Variants in MAP3K8 observed in about 807,000 individuals in gnomAD.
MAP3K8 encodes the protein mitogen-activated protein kinase kinase kinase 8, also known as Ewing sarcoma transformant.
MAP3K8 carries 22 observed loss-of-function variants against 45.8 expected under a neutral mutation model. The observed-to-expected ratio is 0.48, with a 90% CI of 0.34 to 0.69. The LOEUF is 0.69. Among genes scored for constraint, MAP3K8 ranks in the 30% least tolerant of loss-of-function variants. MAP3K8 has a pLI of 0.01. For missense variants in MAP3K8, 419 were observed against 585.0 expected, an observed-to-expected ratio of 0.72 and a Z score of 2.93; for synonymous variants, 223 against 214.3, an observed-to-expected ratio of 1.04 and a Z score of -0.36.
At chr10:30,458,968 A>G (rs1019601493) in intron 7 of MAP3K8, among the ~76,000 whole-genome samples, 1 of 152,128 alleles carries the variant, frequency 6.6e-6, no homozygotes, top group Non-Finnish European at 1.5e-5. Flanking sequence ...TCCCAGTTGC[A>G]TGGGAGGCTG....
chr10:30,439,022 C>T lies in MAP3K8; in HGVS notation c.84C>T (p.Asp28=). Residue 28 remains aspartate (D), a synonymous_variant, in exon 3 of 9, where the codon GAC becomes GAT. Transcript: ENST00000263056. ...IKHLNVSDVI[D]IMENLYASEE... ...ATTTAAATGTGTCTGATGTAATAGA[C>T]ATTATGGAAAATCTTTATGCAAGTG... 1 of 1,612,774 alleles carries T rather than the reference C, an allele frequency of 6.2e-7. No homozygotes were observed. The highest frequency in any genetic ancestry group is 1.1e-5 in the South Asian group (1 of 91,046).
Position 30,450,452 on chromosome 10 carries a change from G to A in MAP3K8, c.699G>A (p.Val233=). 2 of 1,614,118 alleles carry A rather than the reference G, an allele frequency of 1.2e-6. No homozygotes were observed. Among genetic ancestry groups the A allele is most frequent in the Non-Finnish European group, 1.7e-6 (2 of 1,179,962 alleles). Residue 233 remains valine, a synonymous_variant, in exon 5 of 9, where the codon GTG becomes GTA. Transcript: ENST00000263056. The part of the protein sequence containing the change: ...GPMREFEIIW[V]TKHVLKGLDF... ...TGAGAGAATTTGAAATTATTTGGGT[G>A]ACAAAGCATGTTCTCAAGGGACTTG...
intron 4 of MAP3K8, 29 bp downstream of exon 4, chr10:30,447,978 A>G: frequency 1.3e-6 from 2 of 1,570,030 alleles, no homozygotes; most frequent in Non-Finnish European, 1.7e-6. Context: ...GATAACCCAC[A>G]CTGTGTGTTT....
chr10:30,440,942 A>G (rs8177053), intron 3 of MAP3K8, among the ~76,000 whole-genome samples: 4,730 of 152,294 alleles, frequency 0.031, 114 homozygotes, highest in South Asian at 0.062. Context: ...CTGGGAATGT[A>G]CAGAAAGAAA....
Position 30,439,639 on chromosome 10 carries a change from G to A in MAP3K8, c.336+365G>A, listed in dbSNP as rs377708514. 3.9e-5 allele frequency among the ~76,000 whole-genome samples: 6 copies of A among 152,234 alleles called. No homozygotes were observed. The East Asian group carries it at 7.7e-4, about 20-fold the overall frequency. ...AGTCTGGCCAACATGGTGAAACCCC[G>A]TCTCTACTAAAAATACAAAATTAGC... On this transcript the variant is annotated intron_variant, in intron 3 of 8. Transcript: ENST00000263056.
intron 6 of MAP3K8, among the ~76,000 whole-genome samples, chr10:30,455,900 A>G (rs1330989688): frequency 6.6e-6 from 1 of 152,214 alleles, no homozygotes. Context: ...TCTAACTGGT[A>G]GTTGGTAGAG....
chr10:30,451,618 A>T lies in MAP3K8; in HGVS notation c.767-20A>T. The stretch of plus-strand genomic sequence containing the variant: ...GGTATATAAAAAATTTTATCTTAAA[A>T]ATATTTCCTCTCATTTTAGCTAGCA... On this transcript the variant is annotated intron_variant, in intron 5 of 8. Coordinates refer to ENST00000263056, the MANE Select transcript of MAP3K8 (RefSeq NM_005204.4). 1 of 1,437,804 alleles carries T rather than the reference A, an allele frequency of 7.0e-7. No individual in the cohort carries two copies. The highest frequency in any genetic ancestry group is 9.6e-7 in the Non-Finnish European group (1 of 1,040,666). The allele number at this position is 1,437,804 out of a possible 1,614,324, so 89.1% of individuals were successfully genotyped here.
intron 3 of MAP3K8, among the ~76,000 whole-genome samples, chr10:30,445,262 T>A (rs1469014981): frequency 6.6e-6 from 1 of 152,014 alleles, no homozygotes; most frequent in Non-Finnish European, 1.5e-5. Context: ...CTGGGTGTGG[T>A]AGCACGTGCC....
chr10:30,461,366 C>T lies in MAP3K8; in HGVS notation c.*530C>T. Reference sequence around the variant, plus strand: ...TGTAGCAATAAGCTGGACTAGTGTCCTAAAAATGGCTAACTGATGAATTAG... The same window carrying T: ...TGTAGCAATAAGCTGGACTAGTGTCTTAAAAATGGCTAACTGATGAATTAG... On this transcript the variant is annotated 3_prime_UTR_variant, in exon 9 of 9. Coordinates refer to ENST00000263056, the MANE Select transcript of MAP3K8 (RefSeq NM_005204.4). 4.8e-6 allele frequency: 1 copy of T among 207,470 alleles called. No homozygotes were observed. Among genetic ancestry groups the T allele is most frequent in the Non-Finnish European group, 9.9e-6 (1 of 101,416 alleles). The allele number at this position is 207,470 out of a possible 1,614,324, so 12.9% of individuals were successfully genotyped here. A position where few individuals can be genotyped will look rare whatever the true frequency, so the allele number is the denominator to read the frequency against.
In MAP3K8 at chr10:30,438,998, T is replaced by C; in HGVS notation, c.60T>C (p.His20=). ...NKEEIDLLIK[H]LNVSDVIDIM... is the part of the protein sequence containing the mutation. Reference sequence around the variant, plus strand: ...AAGAGATTGATTTATTAATTAAACATTTAAATGTGTCTGATGTAATAGACA... The same window carrying C: ...AAGAGATTGATTTATTAATTAAACACTTAAATGTGTCTGATGTAATAGACA... Residue 20 remains histidine (H), a synonymous_variant, in exon 3 of 9, where the codon CAT becomes CAC. Transcript: ENST00000263056. The C allele has an allele frequency of 6.2e-7, 1 of 1,612,834 alleles. No individual in the cohort carries two copies. The highest frequency in any genetic ancestry group is 8.5e-7 in the Non-Finnish European group (1 of 1,178,806).
chr10:30,437,271 G>T lies in MAP3K8; in HGVS notation c.-159G>T. On this transcript the variant is annotated 5_prime_UTR_variant, in exon 2 of 9. Transcript: ENST00000263056. ...GCTAACGCAGTATCTGCAAAGCCAGGAGTCTGACTCAGTACTTTTCTCACT... is the reference window on the plus strand; with the variant it reads ...GCTAACGCAGTATCTGCAAAGCCAGTAGTCTGACTCAGTACTTTTCTCACT... 4.1e-6 allele frequency: 4 copies of T among 985,326 alleles called. No homozygotes were observed. The South Asian group carries it at 1.9e-4, about 46-fold the overall frequency. The allele number at this position is 985,326 out of a possible 1,614,324, so 61.0% of individuals were successfully genotyped here. A position where few individuals can be genotyped will look rare whatever the true frequency, so the allele number is the denominator to read the frequency against.
chr10:30,439,604 A>G (rs1266294407), intron 3 of MAP3K8: 5 of 403,800 alleles, frequency 1.2e-5, no homozygotes, highest in African/African-American at 2.0e-5. Flanking sequence ...GAGGTCAGCA[A>G]TTAGAGACCA....
intron 6 of MAP3K8, among the ~76,000 whole-genome samples, chr10:30,454,212 A>C (rs554356756): frequency 1.3e-5 from 2 of 152,174 alleles, no homozygotes; most frequent in African/African-American, 4.8e-5. Context: ...CTGCACCTCT[A>C]TGTCAGGATT....
rs1836945115 is a variant in MAP3K8 at position 30,461,688 on chromosome 10, C to T, written c.*852C>T. Reference sequence around the variant, plus strand: ...TTTTATATCAAATGCCTTCATGAATCTTTCATACATATATATATTTGTAAC... The same window carrying T: ...TTTTATATCAAATGCCTTCATGAATTTTTCATACATATATATATTTGTAAC... On this transcript the variant is annotated 3_prime_UTR_variant, in exon 9 of 9. Transcript: ENST00000263056. 1 of 185,366 alleles carries T rather than the reference C, an allele frequency of 5.4e-6. No homozygotes were observed. Among genetic ancestry groups the T allele is most frequent in the South Asian group, 2.0e-4 (1 of 5,108 alleles). 11.5% of individuals were successfully genotyped at this position (185,366 alleles called of 1,614,324 possible). A position where few individuals can be genotyped will look rare whatever the true frequency, so the allele number is the denominator to read the frequency against.
At chr10:30,453,219 C>T (rs991879558) in intron 6 of MAP3K8, among the ~76,000 whole-genome samples, 7 of 151,960 alleles carry the variant, frequency 4.6e-5, no homozygotes, top group Non-Finnish European at 8.8e-5. Context: ...CTAACTGCTA[C>T]ATAACTTTAA....
intron 4 of MAP3K8, 94 bp downstream of exon 4, chr10:30,448,043 TTTGA>T: frequency 8.7e-7 from 1 of 1,152,458 alleles, no homozygotes; most frequent in Non-Finnish European, 1.2e-6. Flanking sequence ...GTTTTTATCG[TTTGA>T]TTGGGTCTTA....
At chr10:30,445,447 G>A (rs1159960407) in intron 3 of MAP3K8, among the ~76,000 whole-genome samples, 1 of 152,030 alleles carries the variant, frequency 6.6e-6, no homozygotes, top group Non-Finnish European at 1.5e-5. Flanking sequence ...ACCTAAACTG[G>A]GTTATAACAA....
intron 3 of MAP3K8, among the ~76,000 whole-genome samples, chr10:30,444,874 A>G (rs557097981): frequency 1.3e-5 from 2 of 152,336 alleles, no homozygotes; most frequent in African/African-American, 4.8e-5. Flanking sequence ...AGTCAGACAG[A>G]TCTGAGTTCA....
In MAP3K8 at chr10:30,450,458, G is replaced by A. The variant is rs1245449738; in HGVS notation, c.705G>A (p.Lys235=). 3 of 1,614,070 alleles carry A rather than the reference G, an allele frequency of 1.9e-6. No homozygotes were observed. The highest frequency in any genetic ancestry group is 1.3e-5 in the African/African-American group (1 of 75,044). Residue 235 remains lysine (K), a synonymous_variant, in exon 5 of 9, where the codon AAG becomes AAA. Coordinates refer to ENST00000263056, the MANE Select transcript of MAP3K8 (RefSeq NM_005204.4). ...AATTTGAAATTATTTGGGTGACAAA[G>A]CATGTTCTCAAGGGACTTGATTTTC... ...MREFEIIWVT[K]HVLKGLDFLH...
Sources: allele counts gnomAD v4.1 joint callset (sites outside exome capture counted in the v4.1 genomes callset), GRCh38; gene constraint gnomAD v4.1.1; transcripts MANE v1.5; gene names NCBI Gene and HGNC (gene_info 2026-07-23, HGNC 2026-07-21).